Variants in FGF12 observed in about 807,000 individuals in gnomAD.
The protein encoded by FGF12 is fibroblast growth factor 12, also known as fibroblast growth factor 12B.
In FGF12, 14 loss-of-function variants were observed where a neutral mutation model predicts 23.6. The observed-to-expected ratio is 0.59, with a 90% confidence interval of 0.39 to 0.93. FGF12 has a LOEUF of 0.93. FGF12 is among the 40% of genes least tolerant of loss of function. The pLI is 0.00. For synonymous variants in FGF12, 62 were observed against 77.3 expected (o/e 0.80, Z 1.04); for missense variants, 175 against 217.8 (o/e 0.80, Z 1.24).
chr3:192,183,125 G>A (rs34879314), intron 4 of FGF12, among the ~76,000 whole-genome samples: 16,845 of 152,166 alleles, frequency 0.11, 1,133 homozygotes, highest in African/African-American at 0.19. Flanking sequence ...CAGTATTGCT[G>A]AGATATTGAT....
intron 2 of FGF12, among the ~76,000 whole-genome samples, chr3:192,614,326 A>G (rs1714667646): frequency 6.6e-6 from 1 of 151,890 alleles, no homozygotes; most frequent in Non-Finnish European, 1.5e-5. Flanking sequence ...GTATTTCTAC[A>G]TCTAGACGAA....
chr3:192,511,870 A>T (rs967450415), intron 2 of FGF12, among the ~76,000 whole-genome samples: 1 of 152,192 alleles, frequency 6.6e-6, no homozygotes, highest in African/African-American at 2.4e-5. Context: ...ACTAGACAAG[A>T]CATTCATATC....
At chr3:192,235,169 T>A (rs1040515957) in intron 4 of FGF12, among the ~76,000 whole-genome samples, 1 of 152,148 alleles carries the variant, frequency 6.6e-6, no homozygotes, top group African/African-American at 2.4e-5. Context: ...TCCATCTGGT[T>A]CAGGGTATTT....
chr3:192,516,776 T>A (rs1404232640), intron 2 of FGF12: 2 of 152,196 alleles, frequency 1.3e-5, no homozygotes. Flanking sequence ...CTCTTTAAGC[T>A]CCAAGGTCCT....
intron 2 of FGF12, among the ~76,000 whole-genome samples, chr3:192,442,593 T>G (rs535821698): frequency 2.0e-5 from 3 of 152,184 alleles, no homozygotes; most frequent in Non-Finnish European, 4.4e-5. Flanking sequence ...ATGTTTTTCT[T>G]TGGAGAGAAG....
chr3:192,325,900 A>G (rs1331060674), intron 4 of FGF12, among the ~76,000 whole-genome samples: 1 of 152,198 alleles, frequency 6.6e-6, no homozygotes, highest in Non-Finnish European at 1.5e-5. Context: ...AGTAAACTTT[A>G]CATGCTTCAG....
At chr3:192,345,662 G>T (rs1255382484) in intron 3 of FGF12, among the ~76,000 whole-genome samples, 1 of 41,972 alleles carries the variant, frequency 2.4e-5, no homozygotes, top group Non-Finnish European at 3.5e-5. Context: ...ACTCCAGCCT[G>T]GGCGACAGAG....
intron 2 of FGF12, among the ~76,000 whole-genome samples, chr3:192,502,319 T>C (rs1724155860): frequency 6.6e-6 from 1 of 152,234 alleles, no homozygotes; most frequent in Non-Finnish European, 1.5e-5. Context: ...CTTAAAAATT[T>C]TTCCTCTGCA....
intron 4 of FGF12, among the ~76,000 whole-genome samples, chr3:192,309,759 G>T (rs1349800337): frequency 2.0e-5 from 3 of 152,058 alleles, no homozygotes; most frequent in Admixed American, 6.6e-5. Flanking sequence ...GAAAAGGAAA[G>T]GAAAACATGT....
chr3:192,179,889 G>C (rs1273188083), intron 4 of FGF12, among the ~76,000 whole-genome samples: 2 of 152,092 alleles, frequency 1.3e-5, no homozygotes, highest in Non-Finnish European at 2.9e-5. Flanking sequence ...TGTCAAGCAT[G>C]TAGTACCTGA....
chr3:192,346,856 T>A (rs543986491), intron 3 of FGF12, among the ~76,000 whole-genome samples: 5 of 152,074 alleles, frequency 3.3e-5, no homozygotes, highest in Admixed American at 6.6e-5. Flanking sequence ...CCTTTTATAA[T>A]AAAATAGCAT....
intron 4 of FGF12, among the ~76,000 whole-genome samples, chr3:192,236,895 T>C (rs186192886): frequency 2.2e-4 from 34 of 152,322 alleles, no homozygotes; most frequent in African/African-American, 7.2e-4. Flanking sequence ...CTGGTTATTA[T>C]GTAGACTTAA....
intron 4 of FGF12, among the ~76,000 whole-genome samples, chr3:192,250,421 C>T (rs1313340755): frequency 6.6e-6 from 1 of 152,102 alleles, no homozygotes; most frequent in Non-Finnish European, 1.5e-5. Context: ...AAAGAATGTT[C>T]TACATTTAAT....
intron 5 of FGF12, among the ~76,000 whole-genome samples, chr3:192,157,692 CAATGA>C (rs1320838910): frequency 1.3e-5 from 2 of 152,092 alleles, no homozygotes; most frequent in Non-Finnish European, 1.5e-5. Context: ...GAAAAAATTA[CAATGA>C]AACAAAGACT....
intron 2 of FGF12, among the ~76,000 whole-genome samples, chr3:192,403,549 T>A (rs1478415231): frequency 6.7e-6 from 1 of 149,406 alleles, no homozygotes; most frequent in African/African-American, 2.4e-5. Flanking sequence ...GTCTTACTGT[T>A]TTTTTTTTTT....
intron 4 of FGF12, among the ~76,000 whole-genome samples, chr3:192,171,571 A>C (rs979249695): frequency 6.6e-6 from 1 of 152,218 alleles, no homozygotes; most frequent in African/African-American, 2.4e-5. Flanking sequence ...TCACATGAAC[A>C]AAATGTATTG....
chr3:192,295,263 G>A (rs552550791), intron 4 of FGF12, among the ~76,000 whole-genome samples: 14 of 152,210 alleles, frequency 9.2e-5, no homozygotes, highest in Admixed American at 5.2e-4. Flanking sequence ...TTGGATTTCC[G>A]CACTCCCAGT....
chr3:192,257,315 T>A (rs1712460058), intron 4 of FGF12, among the ~76,000 whole-genome samples: 1 of 152,144 alleles, frequency 6.6e-6, no homozygotes, highest in Non-Finnish European at 1.5e-5. Context: ...CCGTGTTATT[T>A]AGACCCAATT....
chr3:192,561,562 C>T (rs1002815315), intron 2 of FGF12, among the ~76,000 whole-genome samples: 16 of 152,060 alleles, frequency 1.1e-4, no homozygotes, highest in African/African-American at 3.6e-4. Flanking sequence ...TGGGGTTTCA[C>T]CGTGTTAGCC....
Sources: allele counts gnomAD v4.1 joint callset (sites outside exome capture counted in the v4.1 genomes callset), GRCh38; gene constraint gnomAD v4.1.1; transcripts MANE v1.5; gene names NCBI Gene and HGNC (gene_info 2026-07-23, HGNC 2026-07-21).